The following PRSS23 variants were observed in gnomAD, a reference collection of about 807,000 sequenced individuals.
PRSS23 encodes protease, serine 23.
In PRSS23, 25 loss-of-function variants were observed where a neutral mutation model predicts 34.7. The ratio of observed to expected loss-of-function variants is 0.72; its 90% CI spans 0.53 to 1.01. PRSS23 has a LOEUF of 1.01. Among genes scored for constraint, PRSS23 ranks in the 50% least tolerant of loss-of-function variants. PRSS23 has a pLI of 0.00. For synonymous variants in PRSS23, 176 were observed against 186.6 expected (o/e 0.94, Z 0.46); for missense variants, 445 against 475.6 (o/e 0.94, Z 0.60).
chr11:86,806,839 C>A lies in PRSS23; in HGVS notation c.-13-792C>A, dbSNP rs142939674. ...AGATATAAACAACTGAAAAAGTAAC[C>A]AATGGTAACAGTTCATAGTGTTATA... On this transcript the variant is annotated intron_variant, in intron 1 of 1. Coordinates refer to ENST00000280258, the MANE Select transcript of PRSS23 (RefSeq NM_007173.6). 6.5e-3 allele frequency among the ~76,000 whole-genome samples: 996 copies of A among 152,146 alleles called. 13 individuals carry two copies. The highest frequency in any genetic ancestry group is 0.023 in the African/African-American group (950 of 41,492).
intron 1 of PRSS23, among the ~76,000 whole-genome samples, chr11:86,801,669 G>A (rs1025221980): frequency 3.3e-5 from 5 of 152,142 alleles, no homozygotes; most frequent in Non-Finnish European, 7.4e-5. Context: ...GTAGTATCAG[G>A]ATATTTATTG....
chr11:86,906,917 G>A (rs189095077), intron 2 of PRSS23, among the ~76,000 whole-genome samples: 3 of 152,204 alleles, frequency 2.0e-5, no homozygotes, highest in East Asian at 3.9e-4. Context: ...GTAGCAGGGA[G>A]AGGTTTCCAT....
chr11:86,926,962 G>A (rs2059368815), intron 2 of PRSS23, among the ~76,000 whole-genome samples: 1 of 152,342 alleles, frequency 6.6e-6, no homozygotes. Flanking sequence ...GGCAAGGAAA[G>A]GGGAGGTTAC....
chr11:86,934,382 G>GT (rs5793229), intron 2 of PRSS23: 94,279 of 151,350 alleles, frequency 0.62, 29,831 homozygotes, highest in Non-Finnish European at 0.69. Context: ...TCTCTCTTTG[G>GT]TTTTTTCTTT....
At chr11:86,903,481 C>CTT (rs10688682) in intron 2 of PRSS23, among the ~76,000 whole-genome samples, 16,937 of 124,842 alleles carry the variant, frequency 0.14, 1,646 homozygotes, top group African/African-American at 0.24. Context: ...AACATACAAT[C>CTT]TTTTTTTTTT....
intron 2 of PRSS23, among the ~76,000 whole-genome samples, chr11:86,879,778 GT>G (rs1948758786): frequency 8.8e-6 from 1 of 113,694 alleles, no homozygotes; most frequent in Non-Finnish European, 1.9e-5. Context: ...AGGTGGGGGG[GT>G]CAGCCCCCTG....
chr11:86,870,665 G>T (rs931226416), intron 2 of PRSS23, among the ~76,000 whole-genome samples: 1 of 152,114 alleles, frequency 6.6e-6, no homozygotes, highest in Non-Finnish European at 1.5e-5. Flanking sequence ...CCCACAGGTC[G>T]ATATGATTCT....
At chr11:86,792,710 T>C (rs954958875) in intron 1 of PRSS23, among the ~76,000 whole-genome samples, 6 of 152,146 alleles carry the variant, frequency 3.9e-5, no homozygotes, top group African/African-American at 1.4e-4. Context: ...AGATGTAACA[T>C]TGTGTTAGGC....
intron 2 of PRSS23, among the ~76,000 whole-genome samples, chr11:86,886,797 G>A (rs886202809): frequency 1.3e-5 from 2 of 152,132 alleles, no homozygotes; most frequent in Non-Finnish European, 2.9e-5. Context: ...AAATTAGCCA[G>A]GCATGGTGGT....
rs1007282341 is a variant in PRSS23, at chr11:86,807,771, A to C, written c.128A>C (p.Gln43Pro). The change falls in exon 2 of 2, where the codon CAG (glutamine) becomes CCG (proline). Residue 43 changes from glutamine (Q) to proline (P), a missense_variant. Gln to Pro is a moderately conservative substitution (Grantham distance 76, BLOSUM62 -1). Transcript: ENST00000280258. Reference protein sequence around the residue: ...PAYRLPVVLPQSTLNLAKPDF... With the variant: ...PAYRLPVVLPPSTLNLAKPDF... ...TACCGCCTCCCTGTCGTCTTGCCCC[A>C]GTCTACCCTCAATTTAGCCAAGCCA... 1.9e-6 allele frequency: 3 copies of C among 1,613,986 alleles called. No homozygotes were observed. The African/African-American group carries it at 4.0e-5, about 22-fold the overall frequency.
Position 86,842,710 on chromosome 11 carries a change from A to G in PRSS23, c.206+19117A>G, listed in dbSNP as rs189061969. Among the ~76,000 whole-genome samples the G allele has an allele frequency of 6.0e-4, 91 of 152,372 alleles. 1 individual carries two copies. Among genetic ancestry groups the G allele is most frequent in the African/African-American group, 2.1e-3 (86 of 41,586 alleles). ...AATAAAATACCTGGGAATCCAAATT[A>G]CAAGGGATGTGAAGGACCTCTTCAA... On this transcript the variant is annotated intron_variant, in intron 2 of 2. Transcript: ENST00000533902.
intron 2 of PRSS23, chr11:86,935,996 T>A (rs1330810341): frequency 6.6e-6 from 1 of 152,222 alleles, no homozygotes; most frequent in African/African-American, 2.4e-5. Context: ...TGACTGCCCA[T>A]GTTGCAAACC....
chr11:86,822,837 C>A (rs1021865532), intron 1 of PRSS23, among the ~76,000 whole-genome samples: 5 of 152,106 alleles, frequency 3.3e-5, no homozygotes, highest in African/African-American at 1.2e-4. Context: ...ATCTTTGCAG[C>A]GTGGGCAAGG....
At chr11:86,792,371 T>C (rs1947957002) in intron 1 of PRSS23, among the ~76,000 whole-genome samples, 1 of 152,216 alleles carries the variant, frequency 6.6e-6, no homozygotes, top group Non-Finnish European at 1.5e-5. Flanking sequence ...ATTTTCTCCT[T>C]TCTGCCTCCT....
chr11:86,939,403 A>T (rs11234886), intron 2 of PRSS23, among the ~76,000 whole-genome samples: 3,831 of 80,264 alleles, frequency 0.048, 124 homozygotes, highest in Middle Eastern at 0.076. Flanking sequence ...TAAAAAAAAA[A>T]ATATATATAT....
exon 2 of PRSS23, chr11:86,823,590 G>A: frequency 1.4e-6 from 1 of 702,588 alleles, no homozygotes; most frequent in Non-Finnish European, 2.6e-6. Context: ...GAAGAGTCGA[G>A]GAGGTAAGTT....
At chr11:86,942,763 C>T (rs1358015979) in intron 2 of PRSS23, among the ~76,000 whole-genome samples, 1 of 152,120 alleles carries the variant, frequency 6.6e-6, no homozygotes, top group Non-Finnish European at 1.5e-5. Context: ...TCATGTGAGG[C>T]CAAGGTCCAT....
chr11:86,831,397 G>A (rs531798337), intron 2 of PRSS23, among the ~76,000 whole-genome samples: 1 of 151,308 alleles, frequency 6.6e-6, no homozygotes, highest in African/African-American at 2.4e-5. Flanking sequence ...GATATTTTTT[G>A]TAATATCCTA....
intron 2 of PRSS23, chr11:86,935,255 A>C (rs761294186): frequency 2.0e-5 from 3 of 152,266 alleles, no homozygotes; most frequent in Non-Finnish European, 4.4e-5. Context: ...TTATTATTTC[A>C]ACCAATGCTT....
Sources: gnomAD v4.1 joint callset for allele counts (sites outside exome capture counted in the v4.1 genomes callset) on GRCh38, gnomAD v4.1.1 for gene constraint, MANE v1.5 for transcripts, NCBI Gene and HGNC (gene_info 2026-07-23, HGNC 2026-07-21) for gene names.